The following USP37 variants were observed in gnomAD, a reference collection of about 807,000 sequenced individuals.
USP37 encodes the protein ubiquitin specific peptidase 37.
A neutral mutation model predicts 124.0 loss-of-function variants in USP37; 27 were observed. The ratio of observed to expected loss-of-function variants is 0.22; its 90% confidence interval spans 0.16 to 0.30. USP37 has a LOEUF of 0.30. Among genes scored for constraint, USP37 ranks in the 10% least tolerant of loss-of-function variants. The pLI, the probability that USP37 is intolerant of heterozygous loss-of-function variation, is 1.00. For synonymous variants in USP37, 365 were observed against 388.0 expected, an observed-to-expected ratio of 0.94 and a Z score of 0.70; for missense variants, 889 against 1,140.4, an observed-to-expected ratio of 0.78 and a Z score of 3.17.
At chr2:218,512,411 G>A (rs1413465619) in intron 10 of USP37, among the ~76,000 whole-genome samples, 9 of 152,090 alleles carry the variant, frequency 5.9e-5, no homozygotes. Flanking sequence ...GAGAGGCTGA[G>A]GCAGGAGAAC....
intron 4 of USP37, among the ~76,000 whole-genome samples, chr2:218,556,688 T>C (rs1693001350): frequency 6.6e-6 from 1 of 151,936 alleles, no homozygotes; most frequent in Admixed American, 6.6e-5. Context: ...AATTTTTGTA[T>C]TTTTAGTAGA....
chr2:218,556,321 T>C (rs1692971118), intron 4 of USP37, among the ~76,000 whole-genome samples: 1 of 152,040 alleles, frequency 6.6e-6, no homozygotes, highest in African/African-American at 2.4e-5. Context: ...ACTTCCAGTT[T>C]GGCCAGAAAA....
At chr2:218,556,724 G>A (rs1191731892) in intron 4 of USP37, among the ~76,000 whole-genome samples, 2 of 151,946 alleles carry the variant, frequency 1.3e-5, no homozygotes, top group African/African-American at 4.8e-5. Flanking sequence ...TGTTGGCCAG[G>A]CTGGTCTCGA....
chr2:218,460,981 C>T (rs900626125), intron 22 of USP37, among the ~76,000 whole-genome samples: 2 of 151,864 alleles, frequency 1.3e-5, no homozygotes, highest in East Asian at 3.9e-4. Flanking sequence ...TTGAAACGTA[C>T]CAAAAAAGTA....
chr2:218,490,791 G>C (rs987219446), intron 14 of USP37, among the ~76,000 whole-genome samples: 1 of 152,154 alleles, frequency 6.6e-6, no homozygotes, highest in Non-Finnish European at 1.5e-5. Context: ...AAGGAATTTT[G>C]CAGACATAAT....
chr2:218,497,766 T>C lies in USP37; in HGVS notation c.1249A>G (p.Thr417Ala), dbSNP rs1186345951. The change falls in exon 13 of 26, where the codon ACA becomes GCA. Residue 417 changes from threonine to alanine, a missense_variant. Thr to Ala is a moderately conservative substitution (Grantham distance 58, BLOSUM62 0). Transcript: ENST00000258399. The stretch of plus-strand genomic sequence containing the variant: ...ATATAACCAGAGAATCTCTCTGCTG[T>C]AGCTGAAATGGCATTTTTAACCTTC... ...LKKVKNAISA[T>A]AERFSGYMQN... 6.2e-7 allele frequency: 1 copy of C among 1,614,176 alleles called. No homozygotes were observed. The highest frequency in any genetic ancestry group is 1.7e-5 in the Admixed American group (1 of 60,024).
intron 13 of USP37, among the ~76,000 whole-genome samples, chr2:218,496,607 A>G (rs1294603088): frequency 6.6e-6 from 1 of 152,228 alleles, no homozygotes; most frequent in African/African-American, 2.4e-5. Context: ...CTATATTTGA[A>G]GAGTCACATT....
At chr2:218,486,040 C>T in intron 15 of USP37, 1 of 292,386 alleles carries the variant, frequency 3.4e-6, no homozygotes, top group Middle Eastern at 1.0e-3. Flanking sequence ...TCAGCCTTTT[C>T]CCCATGGACA....
At chr2:218,550,021 C>A in intron 5 of USP37, 112 bp from the exon 6 acceptor site, 2 of 740,762 alleles carry the variant, frequency 2.7e-6, no homozygotes, top group South Asian at 3.0e-5. Context: ...AAACAGCAGG[C>A]AAAAAAGAAA....
intron 10 of USP37, among the ~76,000 whole-genome samples, chr2:218,519,242 TC>T (rs1690460750): frequency 6.6e-6 from 1 of 152,170 alleles, no homozygotes; most frequent in Admixed American, 6.5e-5. Flanking sequence ...GAAAATGTCT[TC>T]CCCCAGAGAG....
chr2:218,563,886 T>C (rs1410173814), intron 1 of USP37, among the ~76,000 whole-genome samples: 1 of 152,052 alleles, frequency 6.6e-6, no homozygotes, highest in African/African-American at 2.4e-5. Flanking sequence ...TCGAACACAT[T>C]GAGACCACAA....
Position 218,459,956 on chromosome 2 carries a change from C to T in USP37, c.2528-51G>A, listed in dbSNP as rs767456890. On this transcript the variant is annotated intron_variant, in intron 22 of 25. Transcript: ENST00000258399. The stretch of plus-strand genomic sequence containing the variant: ...ATAAAAGTTCTTGGAATAGAATGGA[C>T]GTGGTGGCTCACACCTGTAATCCCA... The T allele has an allele frequency of 2.2e-5, 31 of 1,429,238 alleles. 1 individual carries two copies. The highest frequency in any genetic ancestry group is 3.6e-4 in the Middle Eastern group (2 of 5,620). 88.5% of individuals were successfully genotyped at this position (1,429,238 alleles called of 1,614,324 possible). A position where few individuals can be genotyped will look rare whatever the true frequency, so the allele number is the denominator to read the frequency against.
At chr2:218,497,883 AG>A in intron 12 of USP37, 26 bp from the exon 13 acceptor site, 1 of 1,608,644 alleles carries the variant, frequency 6.2e-7, no homozygotes, top group South Asian at 1.1e-5. Flanking sequence ...ACACAAAGTT[AG>A]CACGTTTTAC....
Position 218,460,135 on chromosome 2 carries a change from C to T in USP37, c.2528-230G>A, listed in dbSNP as rs556745136. ...ATTAGCCAGGAGTGGTGGCTAATGC[C>T]TGTAATCCCAGCTACTTGGGAGGCT... On this transcript the variant is annotated intron_variant, in intron 22 of 25. Transcript: ENST00000258399. Among the ~76,000 whole-genome samples, 11 of 149,940 alleles carry T rather than the reference C, an allele frequency of 7.3e-5. No individual in the cohort carries two copies. The East Asian group carries it at 1.8e-3, about 24-fold the overall frequency.
chr2:218,500,684 T>G (rs1689330092), intron 11 of USP37: 1 of 152,234 alleles, frequency 6.6e-6, no homozygotes, highest in African/African-American at 2.4e-5. Flanking sequence ...CCTAGCCTTA[T>G]TTTTAATAGA....
Position 218,489,126 on chromosome 2 carries a change from G to A in USP37, c.1473-705C>T, listed in dbSNP as rs561234427. Among the ~76,000 whole-genome samples, 9 of 151,860 alleles carry A rather than the reference G, an allele frequency of 5.9e-5. No individual in the cohort carries two copies. The South Asian group carries it at 1.9e-3, about 32-fold the overall frequency. On this transcript the variant is annotated intron_variant, in intron 14 of 25. Transcript: ENST00000258399. Reference sequence around the variant, plus strand: ...TAATCCCAGCACTTTGGGAGGCCAAGGTGGGTGGATTACCTGAGGTCAGGA... The same window carrying A: ...TAATCCCAGCACTTTGGGAGGCCAAAGTGGGTGGATTACCTGAGGTCAGGA...
At position 218,456,653 on chromosome 2, in the gene USP37, T is replaced by C. The variant is rs905380701; in HGVS notation, c.2713+439A>G. ...GCACATTGAGTGTGATCAAAGTAGA[T>C]TTCAAAGATTTTCTTGAAAAACTTA... is the stretch of plus-strand genomic sequence containing the variant. On this transcript the variant is annotated intron_variant, in intron 24 of 25. Transcript: ENST00000258399. Among the ~76,000 whole-genome samples, 4 of 151,988 alleles carry C rather than the reference T, an allele frequency of 2.6e-5. No individual in the cohort carries two copies. In the East Asian group the frequency reaches 7.8e-4, roughly 30 times the overall value.
rs1689513655 is a variant in USP37 at position 218,452,521 on chromosome 2, A to G, written c.*2409T>C. 6.6e-6 allele frequency: 1 copy of G among 152,184 alleles called. No individual in the cohort carries two copies. Among genetic ancestry groups the G allele is most frequent in the East Asian group, 1.9e-4 (1 of 5,202 alleles). 9.4% of individuals were successfully genotyped at this position (152,184 alleles called of 1,614,324 possible). A position where few individuals can be genotyped will look rare whatever the true frequency, so the allele number is the denominator to read the frequency against. The stretch of plus-strand genomic sequence containing the variant: ...GAAGGAGAAGGCTGATAGGGCCACA[A>G]GAATGGACAGACATCAAGTAAAATT... On this transcript the variant is annotated 3_prime_UTR_variant, in exon 26 of 26. Transcript: ENST00000258399.
chr2:218,495,287 G>A (rs1689020666), intron 14 of USP37, among the ~76,000 whole-genome samples: 1 of 152,056 alleles, frequency 6.6e-6, no homozygotes, highest in Admixed American at 6.6e-5. Context: ...GATTATAGGT[G>A]TGCATCACCA....
Sources: allele counts gnomAD v4.1 joint callset (sites outside exome capture counted in the v4.1 genomes callset), GRCh38; gene constraint gnomAD v4.1.1; transcripts MANE v1.5; gene names NCBI Gene and HGNC (gene_info 2026-07-23, HGNC 2026-07-21).